Variants in ATG9B observed in about 807,000 individuals in gnomAD.
The protein encoded by ATG9B is autophagy-related protein 9B.
In ATG9B, 92 loss-of-function variants were observed where a neutral mutation model predicts 92.9. That is an observed-to-expected ratio of 0.99 (90% CI 0.84 to 1.18). ATG9B has a LOEUF of 1.18. Ranked by LOEUF, ATG9B falls within the 50% of genes most tolerant of loss-of-function variation. The pLI is 0.00. For missense variants in ATG9B, 1,344 were observed against 1,235.0 expected (o/e 1.09, Z -1.32); for synonymous variants, 599 against 551.4 (o/e 1.09, Z -1.21).
chr7:151,013,530 C>G, downstream of ATG9B: 5 of 1,180,084 alleles, frequency 4.2e-6, no homozygotes, highest in Non-Finnish European at 5.8e-6. Context: ...CCTTGTGCCC[C>G]GGCCCCTCTA....
intron 8 of ATG9B, 87 bp from the exon 9 acceptor site, chr7:151,017,359 G>A (rs1312426362): frequency 1.1e-5 from 15 of 1,323,188 alleles, no homozygotes; most frequent in Admixed American, 6.8e-5. Context: ...CATCTTCCAC[G>A]TGAAGGAAAC....
At chr7:151,013,760 G>A (rs761850720), downstream of ATG9B, 2 of 1,611,094 alleles carry the variant, frequency 1.2e-6, no homozygotes, top group African/African-American at 1.3e-5. Context: ...GGAGCTGGCT[G>A]CGGAGGTGCA....
At position 151,018,442 on chromosome 7, in the gene ATG9B, A is replaced by G. The variant is rs1046237155; in HGVS notation, c.1724T>C (p.Phe575Ser). ...ACCCTGGCACTGCTCTTCCGGAATG[A>G]AAGACCTGAAAGGCGGGATCCGTGG... Reference protein sequence around the residue: ...LGVTATVARSFIPEEQCQGRA... With the variant: ...LGVTATVARSSIPEEQCQGRA... The change falls in exon 7 of 14, where the codon TTC (phenylalanine) becomes TCC (serine). Residue 575 changes from phenylalanine (F) to serine (S), a missense_variant. Coordinates refer to ENST00000639579, the MANE Select transcript of ATG9B (RefSeq NM_001317056.2). This position sits in a 1 kb window ranked among gnomAD's most constrained non-coding sequence, Gnocchi z 4.7. The G allele has an allele frequency of 2.0e-6, 3 of 1,523,034 alleles. No individual in the cohort carries two copies. Among genetic ancestry groups the G allele is most frequent in the South Asian group, 1.3e-5 (1 of 77,214 alleles). 94.3% of individuals were successfully genotyped at this position (1,523,034 alleles called of 1,614,324 possible).
At chr7:151,012,562 AG>A, downstream of ATG9B, 1 of 1,456,546 alleles carries the variant, frequency 6.9e-7, no homozygotes. Context: ...TAGGAAAGAG[AG>A]GGCAGGAAAC....
At position 151,019,126 on chromosome 7, in the gene ATG9B, G is replaced by A. The variant is rs1260986199; in HGVS notation, c.1212C>T (p.Leu404=). 3.3e-6 allele frequency: 5 copies of A among 1,535,846 alleles called. No homozygotes were observed. Among genetic ancestry groups the A allele is most frequent in the Non-Finnish European group, 4.4e-6 (5 of 1,146,662 alleles). The change falls in exon 6 of 14, where the codon CTC becomes CTT. Residue 404 remains leucine, a synonymous_variant. Coordinates refer to ENST00000639579, the MANE Select transcript of ATG9B (RefSeq NM_001317056.2). ...GGAAGAGCGAGAAGGGACCGCGGAA[G>A]AGCAGCAGGTCGACATTGAGCGCCA... is the stretch of plus-strand genomic sequence containing the variant. ...RGLALNVDLL[L]FRGPFSLFRG...
At chr7:151,017,436 C>A (rs1225213437) in intron 8 of ATG9B, among the ~76,000 whole-genome samples, 164 bp from the exon 9 acceptor site, 1 of 152,188 alleles carries the variant, frequency 6.6e-6, no homozygotes, top group Non-Finnish European at 1.5e-5. Flanking sequence ...CTGGGCCTGT[C>A]ATCTATTCGT....
chr7:151,016,548 G>T (rs3800787), intron 10 of ATG9B, 21 bp from the exon 11 acceptor site: 38 of 1,547,650 alleles, frequency 2.5e-5, no homozygotes, highest in Non-Finnish European at 3.1e-5. Context: ...ACATGAAGCA[G>T]GTCAAAAGTC....
chr7:151,013,229 A>C (rs750555154), downstream of ATG9B: 9 of 1,611,228 alleles, frequency 5.6e-6, no homozygotes, highest in Non-Finnish European at 7.6e-6. Flanking sequence ...GGTTGCTTGC[A>C]GGGCTGCAGC....
intron 8 of ATG9B, among the ~76,000 whole-genome samples, chr7:151,017,633 A>G (rs1407107196): frequency 6.6e-6 from 1 of 152,196 alleles, no homozygotes; most frequent in Non-Finnish European, 1.5e-5. Context: ...CAACTCCATC[A>G]TAGGCTATAC....
At chr7:151,013,975 C>T (rs1305119447), downstream of ATG9B, 3 of 1,607,586 alleles carry the variant, frequency 1.9e-6, no homozygotes, top group African/African-American at 1.3e-5. Flanking sequence ...GTCTCCGAGT[C>T]GGGTTCTGAT....
rs757340992 is a variant in ATG9B at position 151,017,242 on chromosome 7, G to A, written c.2083C>T (p.Leu695=). 6.2e-7 allele frequency: 1 copy of A among 1,605,632 alleles called. No individual in the cohort carries two copies. The highest frequency in any genetic ancestry group is 1.1e-5 in the South Asian group (1 of 90,564). Residue 695 remains leucine, a synonymous_variant, in exon 9 of 14, where the codon CTG becomes TTG. Transcript: ENST00000639579. The part of the protein sequence containing the change: ...WLSAGQTEAS[L]SQRAEDGKTE... Reference sequence around the variant, plus strand: ...TTGCCGTCCTCCGCACGCTGAGACAGCGAGGCCTCAGTCTGTCCCGCCGAG... The same window carrying A: ...TTGCCGTCCTCCGCACGCTGAGACAACGAGGCCTCAGTCTGTCCCGCCGAG...
Position 151,018,769 on chromosome 7 carries a change from C to A in ATG9B, c.1569G>T (p.Leu523=). 1 of 1,487,822 alleles carries A rather than the reference C, an allele frequency of 6.7e-7. No individual in the cohort carries two copies. The allele number at this position is 1,487,822 out of a possible 1,614,324, so 92.2% of individuals were successfully genotyped here. A position where few individuals can be genotyped will look rare whatever the true frequency, so the allele number is the denominator to read the frequency against. The part of the protein sequence containing the change: ...FLRTAAPPAP[L]RTLLARQLVF... ...CGAGCTGGCGGGCCAGCAGCGTGCG[C>A]AGGGGCGCGGGGGGCGCAGCGGTGC... is the stretch of plus-strand genomic sequence containing the variant. Residue 523 remains leucine (L), a synonymous_variant, in exon 6 of 14, where the codon CTG becomes CTT. Coordinates refer to ENST00000639579, the MANE Select transcript of ATG9B (RefSeq NM_001317056.2). This position sits in a 1 kb window ranked among gnomAD's most constrained non-coding sequence, Gnocchi z 4.7.
At chr7:151,012,684 G>T, downstream of ATG9B, 1 of 542,638 alleles carries the variant, frequency 1.8e-6, no homozygotes, top group South Asian at 2.5e-5. Flanking sequence ...CATAGTAGGT[G>T]TTGACTGGAT....
downstream of ATG9B, chr7:151,014,232 C>T (rs1436180897): frequency 2.0e-6 from 3 of 1,486,996 alleles, no homozygotes; most frequent in Admixed American, 1.9e-5. Flanking sequence ...TCCGCCCGAC[C>T]AGGATCAGCC....
At chr7:151,014,330 C>T (rs1584916577), downstream of ATG9B, 1 of 801,374 alleles carries the variant, frequency 1.2e-6, no homozygotes. Flanking sequence ...AGGAGCAAAA[C>T]GCCTCTTTTC....
At chr7:151,023,380 C>G (rs1795824630) in intron 3 of ATG9B, 65 bp downstream of exon 3, 3 of 1,604,036 alleles carry the variant, frequency 1.9e-6, no homozygotes, top group Admixed American at 1.7e-5. Flanking sequence ...ATTAAGGAAG[C>G]AAAATGACAG....
chr7:151,018,862 G>C lies in ATG9B; in HGVS notation c.1476C>G (p.Phe492Leu), dbSNP rs1795631156. Reference sequence around the variant, plus strand: ...CGCGCAGCTCGTGCGGCAGCTCGTTGAAGTGGCGCAGCTGCAAGCGCGCCA... The same window carrying C: ...CGCGCAGCTCGTGCGGCAGCTCGTTCAAGTGGCGCAGCTGCAAGCGCGCCA... ...SRLARLQLRH[F>L]NELPHELRAR... The change falls in exon 6 of 14, where the codon TTC becomes TTG. Residue 492 changes from phenylalanine to leucine, a missense_variant. Transcript: ENST00000639579. The surrounding 1 kb of genome is among the most constrained non-coding windows in gnomAD (Gnocchi z 4.7). 1 of 1,333,930 alleles carries C rather than the reference G, an allele frequency of 7.5e-7. No homozygotes were observed. 82.6% of individuals were successfully genotyped at this position (1,333,930 alleles called of 1,614,324 possible).
rs1189914527 is a variant in ATG9B at position 151,023,059 on chromosome 7, G to T, written c.807C>A (p.Ala269=). The T allele has an allele frequency of 8.1e-6, 13 of 1,613,988 alleles. No homozygotes were observed. The highest frequency in any genetic ancestry group is 1.3e-5 in the African/African-American group (1 of 74,884). The part of the protein sequence containing the change: ...VTLSDAILPS[A]QCAERIRSSP... ...TTGTCACTAACCTCTCAGCACACTG[G>T]GCTGAGGGTAGGATGGCATCTGACA... Residue 269 remains alanine (A), a synonymous_variant, in exon 4 of 14, where the codon GCC becomes GCA. Transcript: ENST00000639579.
Position 151,017,265 on chromosome 7 carries a change from G to T in ATG9B, c.2060C>A (p.Ser687Ter). ...CAGCGAGGCCTCAGTCTGTCCCGCCGAGAGCCACTGTGAGCAAGGACAGTC... is the reference window on the plus strand; with the variant it reads ...CAGCGAGGCCTCAGTCTGTCCCGCCTAGAGCCACTGTGAGCAAGGACAGTC... ...VKRHGHPQWLSAGQTEASLSQ... is the reference protein window; with the variant it reads ...VKRHGHPQWL The change falls in exon 9 of 14, where the codon TCG (serine) becomes TAG (stop). Residue 687 changes from serine (S) to a stop codon, truncating the protein, a stop_gained. Transcript: ENST00000639579. LOFTEE classifies it high-confidence loss of function. 2 of 1,590,618 alleles carry T rather than the reference G, an allele frequency of 1.3e-6. No individual in the cohort carries two copies. Among genetic ancestry groups the T allele is most frequent in the South Asian group, 2.2e-5 (2 of 88,948 alleles).
Sources: allele counts gnomAD v4.1 joint callset (sites outside exome capture counted in the v4.1 genomes callset), GRCh38; gene constraint gnomAD v4.1.1; non-coding constraint Gnocchi (gnomAD v3.1); transcripts MANE v1.5; gene names NCBI Gene and HGNC (gene_info 2026-07-23, HGNC 2026-07-21).